Variants in MOV10L1 observed in about 807,000 individuals in gnomAD.
MOV10L1 encodes the protein RNA helicase Mov10l1.
Under a neutral mutation model 143.8 loss-of-function variants are expected in MOV10L1, and 110 were observed. The ratio of observed to expected loss-of-function variants is 0.76; its 90% CI spans 0.66 to 0.90. MOV10L1 has a LOEUF of 0.90. Among genes scored for constraint, MOV10L1 ranks in the 40% least tolerant of loss-of-function variants. MOV10L1 has a pLI of 0.00. For missense variants in MOV10L1, 1,406 were observed against 1,526.8 expected (o/e 0.92, Z 1.32); for synonymous variants, 593 against 581.1 (o/e 1.02, Z -0.29).
At chr22:50,130,121 C>T (rs769062928) in intron 13 of MOV10L1, among the ~76,000 whole-genome samples, 7 of 152,008 alleles carry the variant, frequency 4.6e-5, no homozygotes, top group Non-Finnish European at 1.0e-4. Flanking sequence ...ACTAAAAATA[C>T]AAAACTTAGT....
At chr22:50,120,713 T>C in intron 10 of MOV10L1, 97 bp downstream of exon 10, 1 of 863,776 alleles carries the variant, frequency 1.2e-6, no homozygotes, top group Non-Finnish European at 1.9e-6. Flanking sequence ...CAGACCTTCA[T>C]CTGGCTTGTT....
chr22:50,157,472 G>T (rs1248409040), intron 22 of MOV10L1, among the ~76,000 whole-genome samples: 3 of 152,086 alleles, frequency 2.0e-5, no homozygotes, highest in Non-Finnish European at 2.9e-5. Flanking sequence ...TAGGTCTTGG[G>T]TTTAAATCTT....
At chr22:50,125,944 C>T (rs747484568) in intron 11 of MOV10L1, among the ~76,000 whole-genome samples, 1 of 145,580 alleles carries the variant, frequency 6.9e-6, no homozygotes. Context: ...CCCGCCACCA[C>T]ACCCGGCTGA....
rs376465916 is a variant in MOV10L1, at chr22:50,099,482, A to G, written c.322A>G (p.Asn108Asp). The part of the protein sequence containing the change: ...VSDKWEDDSR[N>D]HGSPSDCGPR... ...TGATAAGTGGGAAGACGACAGCAGAAACCATGGGAGTCCCTCAGACTGCGG... is the reference window on the plus strand; with the variant it reads ...TGATAAGTGGGAAGACGACAGCAGAGACCATGGGAGTCCCTCAGACTGCGG... The change falls in exon 3 of 27, where the codon AAC (asparagine) becomes GAC (aspartate). Residue 108 changes from asparagine to aspartate, a missense_variant. By Grantham distance (23) the Asn-to-Asp change is conservative. Transcript: ENST00000262794. 23 of 1,614,062 alleles carry G rather than the reference A, an allele frequency of 1.4e-5. No homozygotes were observed. The highest frequency in any genetic ancestry group is 1.7e-5 in the Non-Finnish European group (20 of 1,180,024).
At chr22:50,142,349 T>G (rs1227012550) in intron 16 of MOV10L1, among the ~76,000 whole-genome samples, 160 bp downstream of exon 16, 1 of 152,142 alleles carries the variant, frequency 6.6e-6, no homozygotes, top group African/African-American at 2.4e-5. Flanking sequence ...AGACTTGGTG[T>G]TTTAGCTTAG....
intron 3 of MOV10L1, among the ~76,000 whole-genome samples, chr22:50,102,027 G>T (rs557864603): frequency 6.6e-6 from 1 of 152,292 alleles, no homozygotes; most frequent in African/African-American, 2.4e-5. Context: ...TGATGTTGCA[G>T]ATGTTGATGG....
At chr22:50,100,706 C>A (rs577321703) in intron 3 of MOV10L1, among the ~76,000 whole-genome samples, 1 of 152,142 alleles carries the variant, frequency 6.6e-6, no homozygotes, top group East Asian at 1.9e-4. Flanking sequence ...AGGGTTTCAC[C>A]ATGTTGGCCA....
intron 13 of MOV10L1, among the ~76,000 whole-genome samples, 163 bp from the exon 14 acceptor site, chr22:50,133,842 CCT>C (rs559631670): frequency 4.9e-4 from 74 of 152,256 alleles, no homozygotes; most frequent in African/African-American, 1.7e-3. Flanking sequence ...CCGCGCCCGT[CCT>C]CTCTAGTGTT....
intron 10 of MOV10L1, among the ~76,000 whole-genome samples, chr22:50,124,731 C>T (rs1374235446): frequency 1.3e-5 from 2 of 152,130 alleles, no homozygotes; most frequent in African/African-American, 2.4e-5. Context: ...CCCTGACCCT[C>T]TCCAGACCAC....
At position 50,134,611 on chromosome 22, in the gene MOV10L1, G is replaced by A. The variant is rs1325526603; in HGVS notation, c.2051G>A (p.Gly684Glu). The stretch of plus-strand genomic sequence containing the variant: ...CATGCACAAGACACCAAAAGCAGTG[G>A]ACAGTCCACCAGCAAAAAGGTAGTG... ...WNHAQDTKSS[G>E]QSTSKKNRKT... Residue 684 changes from glycine (G) to glutamate (E), a missense_variant, in exon 15 of 27, where the codon GGA becomes GAA. By Grantham distance (98) the Gly-to-Glu change is moderately conservative (BLOSUM62 -2). Around this residue, in one of 3 missense-constraint regions of MOV10L1, gnomAD observed 1,233 missense variants for 1,351.4 expected, o/e 0.91. Transcript: ENST00000262794. 1.2e-6 allele frequency: 2 copies of A among 1,614,002 alleles called. No homozygotes were observed. Among genetic ancestry groups the A allele is most frequent in the East Asian group, 4.5e-5 (2 of 44,896 alleles).
At position 50,092,226 on chromosome 22, in the gene MOV10L1, C is replaced by T. The variant is rs954474090; in HGVS notation, c.282+41C>T. ...ATTTGGGAACAGTTTTTCTTCGCCA[C>T]GGGACTTTGTGTTGTTTTTCCTTGT... On this transcript the variant is annotated intron_variant, in intron 2 of 26. Coordinates refer to ENST00000262794, the MANE Select transcript of MOV10L1 (RefSeq NM_018995.3). 3.2e-6 allele frequency: 5 copies of T among 1,562,200 alleles called. No individual in the cohort carries two copies. In the African/African-American group the frequency reaches 5.4e-5, roughly 17 times the overall value.
chr22:50,146,370 C>T (rs1452399551), intron 19 of MOV10L1, among the ~76,000 whole-genome samples: 3 of 151,918 alleles, frequency 2.0e-5, no homozygotes, highest in African/African-American at 7.3e-5. Context: ...TTGTGGGGTG[C>T]CGGCTGTCAT....
rs537669680 is a variant in MOV10L1, at chr22:50,138,306, G to A, written c.2070+3676G>A. Among the ~76,000 whole-genome samples, 73 of 152,138 alleles carry A rather than the reference G, an allele frequency of 4.8e-4. 1 individual carries two copies. The highest frequency in any genetic ancestry group is 8.5e-4 in the Admixed American group (13 of 15,280). On this transcript the variant is annotated intron_variant, in intron 15 of 26. Coordinates refer to ENST00000262794, the MANE Select transcript of MOV10L1 (RefSeq NM_018995.3). ...TGATGGAGGCCGGGTGTGGTGACTC[G>A]TGCCGGTAATTCCAGCACTTTGGGA...
chr22:50,136,940 T>C (rs28799428), intron 15 of MOV10L1, among the ~76,000 whole-genome samples: 2 of 151,912 alleles, frequency 1.3e-5, no homozygotes, highest in African/African-American at 4.8e-5. Flanking sequence ...CATGGGAGGG[T>C]GTTGTCTCAG....
In MOV10L1 at chr22:50,154,797, T is replaced by C. The variant is rs9617107; in HGVS notation, c.3066+1579T>C. ...ATAATTTATCACTGCTTTATCTTCC[T>C]CATTATGTAATATCCTTCCATACTG... On this transcript the variant is annotated intron_variant, in intron 22 of 26. Coordinates refer to ENST00000262794, the MANE Select transcript of MOV10L1 (RefSeq NM_018995.3). Among the ~76,000 whole-genome samples the C allele has an allele frequency of 3.3e-5, 5 of 152,190 alleles. No individual in the cohort carries two copies. The East Asian group carries it at 9.6e-4, about 29-fold the overall frequency.
intron 24 of MOV10L1, among the ~76,000 whole-genome samples, chr22:50,160,367 C>T (rs2063525529): frequency 6.6e-6 from 1 of 151,768 alleles, no homozygotes; most frequent in Non-Finnish European, 1.5e-5. Context: ...CTGCCTCAGC[C>T]TCTCGAGTAG....
chr22:50,108,631 T>C, intron 4 of MOV10L1, 26 bp from the exon 5 acceptor site: 1 of 1,612,136 alleles, frequency 6.2e-7, no homozygotes, highest in South Asian at 1.1e-5. Flanking sequence ...ATCTGCTTCC[T>C]GTGACGCTCA....
chr22:50,102,628 A>C (rs1274183703), intron 3 of MOV10L1, among the ~76,000 whole-genome samples: 1 of 152,200 alleles, frequency 6.6e-6, no homozygotes, highest in Non-Finnish European at 1.5e-5. Flanking sequence ...CAGGCCTGGC[A>C]CAGTGGCTCA....
At chr22:50,092,894 TC>T (rs1381651384) in intron 2 of MOV10L1, 1 of 152,150 alleles carries the variant, frequency 6.6e-6, no homozygotes, top group Non-Finnish European at 1.5e-5. Flanking sequence ...CTTTTCTTTT[TC>T]TTTTTGTTTT....
Sources: allele counts gnomAD v4.1 joint callset (sites outside exome capture counted in the v4.1 genomes callset), GRCh38; gene constraint gnomAD v4.1.1; regional missense constraint gnomAD v4.1.1; transcripts MANE v1.5; gene names NCBI Gene and HGNC (gene_info 2026-07-23, HGNC 2026-07-21).